IHO1: variants seen among roughly 807,000 people sequenced by gnomAD.
The protein encoded by IHO1 is interactor of HORMAD1 protein 1.
IHO1 carries 13 observed loss-of-function variants against 31.0 expected under a neutral mutation model. That is an observed-to-expected ratio of 0.42 (90% confidence interval 0.27 to 0.67). The LOEUF (loss-of-function observed/expected upper bound fraction) is 0.67. Among genes scored for constraint, IHO1 ranks in the 30% least tolerant of loss-of-function variants. The pLI, the probability that IHO1 is intolerant of heterozygous loss-of-function variation, is 0.24. For missense variants in IHO1, 599 were observed against 687.5 expected, an observed-to-expected ratio of 0.87 and a Z score of 1.44; for synonymous variants, 221 against 248.4, an observed-to-expected ratio of 0.89 and a Z score of 1.04.
chr3:49,250,050 A>G (rs1203693629), intron 6 of IHO1, among the ~76,000 whole-genome samples: 1 of 152,260 alleles, frequency 6.6e-6, no homozygotes, highest in Non-Finnish European at 1.5e-5. Flanking sequence ...GCATTTTTAC[A>G]TAAAAGCTAA....
intron 1 of IHO1, among the ~76,000 whole-genome samples, chr3:49,206,706 G>A (rs2046142771): frequency 6.6e-6 from 1 of 151,974 alleles, no homozygotes; most frequent in Non-Finnish European, 1.5e-5. Flanking sequence ...ATTTTACCTA[G>A]CCCCTACTCA....
At chr3:49,196,809 T>C (rs1575558776), upstream of IHO1, among the ~76,000 whole-genome samples, 1 of 151,752 alleles carries the variant, frequency 6.6e-6, no homozygotes, top group South Asian at 2.1e-4. Context: ...TAGCTGAGAC[T>C]ACAGGCGCCC....
intron 2 of IHO1, among the ~76,000 whole-genome samples, chr3:49,226,417 G>A (rs2117938): frequency 0.6 from 91,471 of 151,932 alleles, 28,900 homozygotes; most frequent in East Asian, 0.95. Flanking sequence ...TCCCGTAACC[G>A]CGCGAGGAAG....
rs766598503 is a variant in IHO1 at position 49,241,901 on chromosome 3, G to A, written c.395+512G>A. The stretch of plus-strand genomic sequence containing the variant: ...CTCCCAAAATGCTGGAATTATAGGC[G>A]TGAGCCACTGTGCCTGGCCATTATT... On this transcript the variant is annotated intron_variant, in intron 4 of 7. Transcript: ENST00000452691. 3.3e-5 allele frequency among the ~76,000 whole-genome samples: 5 copies of A among 151,256 alleles called. No individual in the cohort carries two copies. In the South Asian group the frequency reaches 8.4e-4, roughly 25 times the overall value.
chr3:49,207,316 G>A (rs184670208), intron 1 of IHO1, among the ~76,000 whole-genome samples: 1 of 150,724 alleles, frequency 6.6e-6, no homozygotes, highest in East Asian at 2.0e-4. Context: ...TGTGATCTCG[G>A]CTCACTGCAA....
At chr3:49,237,329 A>G (rs1472248271) in intron 3 of IHO1, among the ~76,000 whole-genome samples, 3 of 152,184 alleles carry the variant, frequency 2.0e-5, no homozygotes, top group South Asian at 2.1e-4. Flanking sequence ...CCTGGGAGAT[A>G]GAGCATGACT....
intron 6 of IHO1, among the ~76,000 whole-genome samples, chr3:49,247,666 G>A (rs1298510909): frequency 6.6e-6 from 1 of 151,972 alleles, no homozygotes; most frequent in Non-Finnish European, 1.5e-5. Flanking sequence ...ACATATGCCT[G>A]TAGTCCCAGG....
intron 6 of IHO1, among the ~76,000 whole-genome samples, chr3:49,246,273 G>T (rs1417031658): frequency 6.6e-6 from 1 of 151,914 alleles, no homozygotes; most frequent in Non-Finnish European, 1.5e-5. Context: ...GCAAATCAGG[G>T]ATGCTTCCTT....
intron 1 of IHO1, among the ~76,000 whole-genome samples, chr3:49,207,545 C>G (rs1470726016): frequency 6.6e-6 from 1 of 151,786 alleles, no homozygotes; most frequent in Admixed American, 6.6e-5. Context: ...AGTTTTAGTC[C>G]TTGTAACTCA....
At chr3:49,221,199 A>T (rs2046351728) in intron 2 of IHO1, among the ~76,000 whole-genome samples, 1 of 151,444 alleles carries the variant, frequency 6.6e-6, no homozygotes, top group Non-Finnish European at 1.5e-5. Flanking sequence ...GTGCATTTAC[A>T]ATCCTTTAGC....
intron 2 of IHO1, among the ~76,000 whole-genome samples, chr3:49,229,300 C>T (rs1171379456): frequency 6.6e-6 from 1 of 152,204 alleles, no homozygotes; most frequent in Non-Finnish European, 1.5e-5. Flanking sequence ...CCTGGGGAAA[C>T]CCCGCAAAAG....
At chr3:49,234,113 A>T (rs2046517872) in intron 2 of IHO1, among the ~76,000 whole-genome samples, 1 of 147,522 alleles carries the variant, frequency 6.8e-6, no homozygotes, top group Non-Finnish European at 1.5e-5. Flanking sequence ...TTCTCAGGTT[A>T]TGCAACAGTT....
rs146180084 is a variant in IHO1 at position 49,222,444 on chromosome 3, C to T, written c.56+10608C>T. Among the ~76,000 whole-genome samples the T allele has an allele frequency of 2.9e-3, 435 of 152,070 alleles. 1 individual carries two copies. The highest frequency in any genetic ancestry group is 6.8e-3 in the Middle Eastern group (2 of 294). The stretch of plus-strand genomic sequence containing the variant: ...AAGGTAAGGAGGGTGCTCTGGAACA[C>T]GAGATCATTTTATCCAGTCTGAGTT... On this transcript the variant is annotated intron_variant, in intron 2 of 7. Transcript: ENST00000452691.
intron 4 of IHO1, among the ~76,000 whole-genome samples, chr3:49,244,122 T>C (rs1349483901): frequency 3.9e-5 from 6 of 151,936 alleles, no homozygotes; most frequent in Non-Finnish European, 8.8e-5. Context: ...GCCTGGCTAA[T>C]TTTTGTATTT....
intron 2 of IHO1, among the ~76,000 whole-genome samples, chr3:49,213,465 G>C (rs2046247324): frequency 6.6e-6 from 1 of 152,252 alleles, no homozygotes; most frequent in Non-Finnish European, 1.5e-5. Flanking sequence ...CAGGAGCCCA[G>C]CTGGCTTCAC....
At chr3:49,215,120 G>A (rs1262993511) in intron 2 of IHO1, among the ~76,000 whole-genome samples, 4 of 150,038 alleles carry the variant, frequency 2.7e-5, no homozygotes, top group South Asian at 2.1e-4. Flanking sequence ...GCACGATCTC[G>A]GCTCACTGCA....
At chr3:49,223,115 G>A (rs139577042) in intron 2 of IHO1, among the ~76,000 whole-genome samples, 522 of 152,238 alleles carry the variant, frequency 3.4e-3, no homozygotes, top group African/African-American at 0.012. Context: ...CAAGTTGGCC[G>A]TTTCCTGATC....
upstream of IHO1, chr3:49,198,313 T>G (rs973004627): frequency 6.6e-6 from 1 of 152,240 alleles, no homozygotes; most frequent in Non-Finnish European, 1.5e-5. Context: ...CCGCAGCATT[T>G]GTCATAGCTG....
At chr3:49,251,393 C>A (rs1173362200) in intron 6 of IHO1, among the ~76,000 whole-genome samples, 1 of 151,060 alleles carries the variant, frequency 6.6e-6, no homozygotes, top group African/African-American at 2.4e-5. Context: ...TCAAGTGTTT[C>A]TCCTGCCTCA....
Sources: allele counts gnomAD v4.1 joint callset (sites outside exome capture counted in the v4.1 genomes callset), GRCh38; gene constraint gnomAD v4.1.1; transcripts MANE v1.5; gene names NCBI Gene and HGNC (gene_info 2026-07-23, HGNC 2026-07-21).